Variants in KCNQ4 observed in about 807,000 individuals in gnomAD.
KCNQ4 encodes the protein potassium voltage-gated channel subfamily KQT member 4.
A neutral mutation model predicts 72.6 loss-of-function variants in KCNQ4; 31 were observed. The observed-to-expected ratio is 0.43, with a 90% CI of 0.32 to 0.58. The LOEUF (loss-of-function observed/expected upper bound fraction) is 0.58, where lower values mean the gene tolerates loss of function less well. Ranked by LOEUF, KCNQ4 falls within the 20% of genes least tolerant of loss-of-function variation. The pLI, the probability that KCNQ4 is intolerant of heterozygous loss-of-function variation, is 0.08. For synonymous variants in KCNQ4, 405 were observed against 403.7 expected (o/e 1.00, Z -0.04); for missense variants, 869 against 962.6 (o/e 0.90, Z 1.29).
rs1303744425 is a variant in KCNQ4, at chr1:40,818,769, G to T, written c.708+89G>T. On this transcript the variant is annotated intron_variant, in intron 4 of 13. Coordinates refer to ENST00000347132, the MANE Select transcript of KCNQ4 (RefSeq NM_004700.4). ...GGGCGGAGAGGGCGAGGTCAGAGGG[G>T]CTGTCTCCGTGCTGGGAAGGGGTGT... The T allele has an allele frequency of 3.5e-6, 5 of 1,415,318 alleles. No individual in the cohort carries two copies. In the African/African-American group the frequency reaches 5.7e-5, roughly 16 times the overall value. The allele number at this position is 1,415,318 out of a possible 1,614,324, so 87.7% of individuals were successfully genotyped here. A position where few individuals can be genotyped will look rare whatever the true frequency, so the allele number is the denominator to read the frequency against.
chr1:40,787,360 C>A (rs923631534), intron 1 of KCNQ4, among the ~76,000 whole-genome samples: 4 of 152,068 alleles, frequency 2.6e-5, no homozygotes, highest in African/African-American at 9.7e-5. Context: ...CAGGATGAGA[C>A]CCTATCAATT....
intron 12 of KCNQ4, 101 bp from the exon 13 acceptor site, chr1:40,837,564 G>A: frequency 6.9e-7 from 1 of 1,446,024 alleles, no homozygotes; most frequent in Non-Finnish European, 9.4e-7. Flanking sequence ...CAGATTGCCT[G>A]TCCCCTCGTG....
chr1:40,818,567 G>T lies in KCNQ4; in HGVS notation c.595G>T (p.Ala199Ser), dbSNP rs761834841. ...CGCGGGTACCCAGGGCAACATCTTC[G>T]CCACGTCCGCGCTGCGCAGCATGCG... is the stretch of plus-strand genomic sequence containing the variant. ...IAAGTQGNIF[A>S]TSALRSMRFL... The change falls in exon 4 of 14, where the codon GCC (alanine) becomes TCC (serine). Residue 199 changes from alanine (A) to serine (S), a missense_variant. Ala to Ser is a moderately conservative substitution (Grantham distance 99). This residue lies in a region of KCNQ4 where 179 missense variants were observed against 243.0 expected (regional missense o/e 0.74). Transcript: ENST00000347132. The T allele has an allele frequency of 6.2e-7, 1 of 1,604,522 alleles. No homozygotes were observed. Among genetic ancestry groups the T allele is most frequent in the Non-Finnish European group, 8.5e-7 (1 of 1,179,848 alleles).
chr1:40,832,874 G>GA (rs1553168428), intron 10 of KCNQ4, 140 bp from the exon 11 acceptor site: 10 of 682,582 alleles, frequency 1.5e-5, no homozygotes, highest in African/African-American at 8.9e-5. Context: ...AGACACAGGA[G>GA]CCCCAAGAAG....
intron 1 of KCNQ4, among the ~76,000 whole-genome samples, chr1:40,795,179 C>T (rs1017674362): frequency 6.6e-6 from 1 of 151,732 alleles, no homozygotes; most frequent in African/African-American, 2.4e-5. Context: ...GCTCACCTCA[C>T]GGGGCTGCTT....
chr1:40,818,889 G>A (rs991043524), intron 4 of KCNQ4: 4 of 635,106 alleles, frequency 6.3e-6, no homozygotes, highest in Admixed American at 5.6e-5. Context: ...TAGGAGTCCG[G>A]ACCGGATCAG....
At chr1:40,812,994 C>T (rs1647971846) in intron 1 of KCNQ4, among the ~76,000 whole-genome samples, 1 of 152,158 alleles carries the variant, frequency 6.6e-6, no homozygotes, top group Non-Finnish European at 1.5e-5. Context: ...AAAGAAGTGG[C>T]ATTGGAACAG....
chr1:40,809,209 T>C (rs1214228479), intron 1 of KCNQ4, among the ~76,000 whole-genome samples: 1 of 152,208 alleles, frequency 6.6e-6, no homozygotes, highest in Non-Finnish European at 1.5e-5. Flanking sequence ...CCTCCCAGTC[T>C]GCGTAGAGGG....
At chr1:40,796,004 AAAG>A (rs1310253733) in intron 1 of KCNQ4, among the ~76,000 whole-genome samples, 1 of 152,192 alleles carries the variant, frequency 6.6e-6, no homozygotes, top group African/African-American at 2.4e-5. Flanking sequence ...ACTGAAGCTT[AAAG>A]GTGAAACACT....
intron 13 of KCNQ4, 135 bp from the exon 14 acceptor site, chr1:40,838,176 C>G (rs904243975): frequency 1.7e-4 from 138 of 794,394 alleles, no homozygotes; most frequent in Non-Finnish European, 2.4e-4. Context: ...CTCCACCTTT[C>G]CAGGCGGGAT....
chr1:40,798,684 A>ATCAGTTGGTGTCTCAACGAGACCCATCG (rs1219415939), intron 1 of KCNQ4, among the ~76,000 whole-genome samples: 1 of 152,220 alleles, frequency 6.6e-6, no homozygotes, highest in African/African-American at 2.4e-5. Flanking sequence ...CTCAGCGAAA[A>ATCAGTTGGTGTCTCAACGAGACCCATCG]TCAGTTGGTG....
Position 40,784,490 on chromosome 1 carries a change from C to T in KCNQ4, c.314+83C>T, listed in dbSNP as rs1647184551. 1.5e-6 allele frequency: 2 copies of T among 1,351,800 alleles called. No homozygotes were observed. Among genetic ancestry groups the T allele is most frequent in the Non-Finnish European group, 2.1e-6 (2 of 959,462 alleles). 83.7% of individuals were successfully genotyped at this position (1,351,800 alleles called of 1,614,324 possible). A position where few individuals can be genotyped will look rare whatever the true frequency, so the allele number is the denominator to read the frequency against. On this transcript the variant is annotated intron_variant, in intron 1 of 13. Coordinates refer to ENST00000347132, the MANE Select transcript of KCNQ4 (RefSeq NM_004700.4). The surrounding 1 kb of genome is among the most constrained non-coding windows in gnomAD (Gnocchi z 4.1). ...GCACGGCCGCCCCGCCCTGGCTCCG[C>T]CTTCTACCCCCCTGCCTCAGGGCCG...
intron 1 of KCNQ4, among the ~76,000 whole-genome samples, chr1:40,799,732 G>A (rs377621100): frequency 6.6e-5 from 10 of 152,294 alleles, no homozygotes; most frequent in South Asian, 2.1e-4. Flanking sequence ...TGGCCTCCAC[G>A]AGGGAGGCCT....
chr1:40,838,438 A>G lies in KCNQ4; in HGVS notation c.2003A>G (p.Tyr668Cys), dbSNP rs1278668958. The G allele has an allele frequency of 2.5e-6, 4 of 1,613,912 alleles. No homozygotes were observed. Among genetic ancestry groups the G allele is most frequent in the Non-Finnish European group, 3.4e-6 (4 of 1,179,956 alleles). The change falls in exon 14 of 14, where the codon TAC becomes TGC. Residue 668 changes from tyrosine to cysteine, a missense_variant. Physicochemically the swap from Tyr to Cys is radical, Grantham distance 194. Transcript: ENST00000347132. ...PLFDPDITSD[Y>C]HSPVDHEDIS... ...TTCGACCCCGACATCACCTCCGACT[A>G]CCACAGCCCTGTGGACCACGAGGAC...
intron 12 of KCNQ4, among the ~76,000 whole-genome samples, chr1:40,837,126 C>T (rs1313958864): frequency 6.8e-6 from 1 of 147,764 alleles, no homozygotes; most frequent in Non-Finnish European, 1.5e-5. Flanking sequence ...CTTGCTCTGT[C>T]GCCCAGGCTG....
chr1:40,815,488 G>T (rs1256649088), intron 1 of KCNQ4, among the ~76,000 whole-genome samples: 2 of 152,192 alleles, frequency 1.3e-5, no homozygotes, highest in Non-Finnish European at 2.9e-5. Context: ...CAGTCCCGAT[G>T]CAGGTACATG....
intron 3 of KCNQ4, 86 bp downstream of exon 3, chr1:40,818,376 G>C (rs767665979): frequency 1.3e-5 from 20 of 1,594,768 alleles, no homozygotes; most frequent in Non-Finnish European, 1.7e-5. Flanking sequence ...TCTGACCCTG[G>C]AGACCCGCAC....
At chr1:40,802,281 C>G (rs953913440) in intron 1 of KCNQ4, among the ~76,000 whole-genome samples, 1 of 151,748 alleles carries the variant, frequency 6.6e-6, no homozygotes, top group Non-Finnish European at 1.5e-5. Context: ...CGCGTCCCCC[C>G]TCTCCGCCCC....
At chr1:40,802,699 G>A (rs1647621274) in intron 1 of KCNQ4, among the ~76,000 whole-genome samples, 1 of 152,160 alleles carries the variant, frequency 6.6e-6, no homozygotes, top group Non-Finnish European at 1.5e-5. Context: ...CTCCCCGCAG[G>A]AACCCGTACC....
Sources: allele counts gnomAD v4.1 joint callset (sites outside exome capture counted in the v4.1 genomes callset), GRCh38; gene constraint gnomAD v4.1.1; regional missense constraint gnomAD v4.1.1; non-coding constraint Gnocchi (gnomAD v3.1); transcripts MANE v1.5; gene names NCBI Gene and HGNC (gene_info 2026-07-23, HGNC 2026-07-21).